SIAE: variants seen among roughly 807,000 people sequenced by gnomAD.
The protein encoded by SIAE is sialate O-acetylesterase.
SIAE carries 39 observed loss-of-function variants against 52.6 expected under a neutral mutation model. The ratio of observed to expected loss-of-function variants is 0.74; its 90% CI spans 0.57 to 0.97. The LOEUF is 0.97. Among genes scored for constraint, SIAE ranks in the 50% least tolerant of loss-of-function variants. SIAE has a pLI of 0.00. For missense variants in SIAE, 592 were observed against 662.1 expected, an observed-to-expected ratio of 0.89 and a Z score of 1.16; for synonymous variants, 233 against 241.4, an observed-to-expected ratio of 0.97 and a Z score of 0.32.
chr11:124,644,133 T>A (rs1382925301), intron 7 of SIAE, among the ~76,000 whole-genome samples: 2 of 152,140 alleles, frequency 1.3e-5, no homozygotes, highest in Non-Finnish European at 2.9e-5. Context: ...AATTCTCTTA[T>A]TAAAATTATC....
chr11:124,657,454 C>A (rs1488394822), intron 3 of SIAE, among the ~76,000 whole-genome samples: 3 of 152,230 alleles, frequency 2.0e-5, no homozygotes, highest in Non-Finnish European at 4.4e-5. Context: ...AGCTTCCGCA[C>A]TGACTGGGAA....
At chr11:124,671,177 G>T (rs1448746899) in intron 1 of SIAE, among the ~76,000 whole-genome samples, 1 of 152,172 alleles carries the variant, frequency 6.6e-6, no homozygotes, top group African/African-American at 2.4e-5. Flanking sequence ...TTTAGAGGTG[G>T]AAAGGATCTT....
intron 4 of SIAE, among the ~76,000 whole-genome samples, chr11:124,652,887 T>C (rs1162516050): frequency 6.9e-6 from 1 of 145,280 alleles, no homozygotes; most frequent in Non-Finnish European, 1.5e-5. Flanking sequence ...ATTTATTTGT[T>C]TTTGTCTCAT....
In SIAE at chr11:124,639,599, G is replaced by A. The variant is rs180919260; in HGVS notation, c.1124+111C>T. 1,661 of 1,379,498 alleles carry A rather than the reference G, an allele frequency of 1.2e-3. 19 individuals carry two copies. In the African/African-American group the frequency reaches 0.022, roughly 18 times the overall value. 85.5% of individuals were successfully genotyped at this position (1,379,498 alleles called of 1,614,324 possible). A position where few individuals can be genotyped will look rare whatever the true frequency, so the allele number is the denominator to read the frequency against. On this transcript the variant is annotated intron_variant, in intron 8 of 9. Transcript: ENST00000263593. ...GTTACTGCAGCACACCCCAGCATACGTGACTCTTAAGTGCCAATCCTCAGT... is the reference window on the plus strand; with the variant it reads ...GTTACTGCAGCACACCCCAGCATACATGACTCTTAAGTGCCAATCCTCAGT...
At chr11:124,653,954 G>A (rs1308794582) in intron 4 of SIAE, among the ~76,000 whole-genome samples, 1 of 152,200 alleles carries the variant, frequency 6.6e-6, no homozygotes, top group African/African-American at 2.4e-5. Context: ...CGAGGTGGGC[G>A]GATCATGAGG....
chr11:124,638,126 G>A (rs532435152), intron 9 of SIAE, among the ~76,000 whole-genome samples: 2 of 152,190 alleles, frequency 1.3e-5, no homozygotes, highest in South Asian at 4.1e-4. Context: ...GCCTCTCAAA[G>A]GAGAACCTAA....
rs1237926681 is a variant in SIAE at position 124,636,621 on chromosome 11, C to T, written c.*330G>A. ...AAATCTCTTCCAATCCTGAGATTCC[C>T]ACAACTCTGGATAAAAAGGGGCAAA... On this transcript the variant is annotated 3_prime_UTR_variant, in exon 10 of 10. Coordinates refer to ENST00000263593, the MANE Select transcript of SIAE (RefSeq NM_170601.5). 1 of 343,530 alleles carries T rather than the reference C, an allele frequency of 2.9e-6. No individual in the cohort carries two copies. The highest frequency in any genetic ancestry group is 2.1e-5 in the African/African-American group (1 of 47,250). 21.3% of individuals were successfully genotyped at this position (343,530 alleles called of 1,614,324 possible).
chr11:124,644,351 G>GAAAAAAAAAAAAAAAAAAAAAAAAAAA (rs766691334), intron 7 of SIAE, among the ~76,000 whole-genome samples: 5 of 98,990 alleles, frequency 5.1e-5, no homozygotes, highest in African/African-American at 1.2e-4. Flanking sequence ...AGTCTGTGGT[G>GAAAAAAAAAAAAAAAAAAAAAAAAAAA]AGAAAAAAAA....
In SIAE at chr11:124,654,908, A is replaced by T. The variant is rs952852377; in HGVS notation, c.406-115T>A. On this transcript the variant is annotated intron_variant, in intron 3 of 9. Coordinates refer to ENST00000263593, the MANE Select transcript of SIAE (RefSeq NM_170601.5). The stretch of plus-strand genomic sequence containing the variant: ...GCTTTCAATATACTGAGATCAAATT[A>T]ATAACCAAAACCAATGGGCTGCACT... The T allele has an allele frequency of 3.6e-5, 45 of 1,252,480 alleles. No individual in the cohort carries two copies. The African/African-American group carries it at 6.1e-4, about 17-fold the overall frequency. 77.6% of individuals were successfully genotyped at this position (1,252,480 alleles called of 1,614,324 possible). A position where few individuals can be genotyped will look rare whatever the true frequency, so the allele number is the denominator to read the frequency against.
intron 4 of SIAE, among the ~76,000 whole-genome samples, chr11:124,650,601 C>T (rs1404213342): frequency 1.3e-5 from 2 of 151,924 alleles, no homozygotes; most frequent in African/African-American, 2.4e-5. Context: ...GATGAAACCC[C>T]GTCTCTACCC....
intron 1 of SIAE, 125 bp downstream of exon 1, chr11:124,673,517 A>C: frequency 8.7e-7 from 1 of 1,143,658 alleles, no homozygotes; most frequent in Non-Finnish European, 1.3e-6. Flanking sequence ...GCGAGCCCCT[A>C]GCCTAGCTAG....
Position 124,659,471 on chromosome 11 carries a change from TA to T in SIAE, c.405+1156del, listed in dbSNP as rs545178084. ...GTAACATAGCAAGACCCTATCTCTA[TA>T]AAAAATAAAAAATCAGCTGGATATG... On this transcript the variant is annotated intron_variant, in intron 3 of 9. Transcript: ENST00000263593. The T allele has an allele frequency of 6.4e-3, 975 of 151,804 alleles. 4 individuals carry two copies. The highest frequency in any genetic ancestry group is 0.011 in the Non-Finnish European group (755 of 67,898). 9.4% of individuals were successfully genotyped at this position (151,804 alleles called of 1,614,324 possible).
At chr11:124,659,477 A>T (rs977664851) in intron 3 of SIAE, 3 of 152,048 alleles carry the variant, frequency 2.0e-5, no homozygotes, top group African/African-American at 7.2e-5. Context: ...TCTATAAAAA[A>T]TAAAAAATCA....
In SIAE at chr11:124,647,396, G is replaced by A. The variant is rs144510878; in HGVS notation, c.935C>T (p.Thr312Met). ...AAGTCCAAATGGGAAGAAACGCTCC[G>A]TCTGCCCCTGGGAACCACGGTGGAA... ...ETFHRGSQGQ[T>M]ERFFPFGLVQ... The change falls in exon 7 of 10, where the codon ACG (threonine) becomes ATG (methionine). Residue 312 changes from threonine (T) to methionine (M), a missense_variant. Physicochemically the swap from Thr to Met is moderately conservative, Grantham distance 81 (BLOSUM62 -1). Coordinates refer to ENST00000263593, the MANE Select transcript of SIAE (RefSeq NM_170601.5). 1.2e-3 allele frequency: 1,904 copies of A among 1,614,190 alleles called. 1 individual carries two copies. Among genetic ancestry groups the A allele is most frequent in the Non-Finnish European group, 1.4e-3 (1,683 of 1,180,026 alleles).
At chr11:124,646,149 G>T (rs1942930002) in intron 7 of SIAE, among the ~76,000 whole-genome samples, 1 of 152,220 alleles carries the variant, frequency 6.6e-6, no homozygotes, top group African/African-American at 2.4e-5. Flanking sequence ...ACATGTGGAG[G>T]CTAGGCAATT....
rs1942789298 is a variant in SIAE at position 124,638,558 on chromosome 11, T to C, written c.1304A>G (p.Asp435Gly). 1 of 1,614,188 alleles carries C rather than the reference T, an allele frequency of 6.2e-7. No homozygotes were observed. Residue 435 changes from aspartate to glycine, a missense_variant, in exon 9 of 10, where the codon GAC becomes GGC. Physicochemically the swap from Asp to Gly is moderately conservative, Grantham distance 94 (BLOSUM62 -1). Coordinates refer to ENST00000263593, the MANE Select transcript of SIAE (RefSeq NM_170601.5). ...YYQQIQVQKK[D>G]NKIFEISCCS... ...TCTTCTCACCTCAAATATCTTGTTGTCCTTTTTCTGCACCTGGATTTGCTG... is the reference window on the plus strand; with the variant it reads ...TCTTCTCACCTCAAATATCTTGTTGCCCTTTTTCTGCACCTGGATTTGCTG...
At chr11:124,637,684 C>T (rs1260717903) in intron 9 of SIAE, among the ~76,000 whole-genome samples, 4 of 152,186 alleles carry the variant, frequency 2.6e-5, no homozygotes, top group African/African-American at 4.8e-5. Context: ...TTATCCAGAC[C>T]ACTGGCAACT....
Position 124,669,475 on chromosome 11 carries a change from C to T in SIAE, c.114G>A (p.Leu38=), listed in dbSNP as rs1943319028. The change falls in exon 2 of 10, where the codon CTG becomes CTA. Residue 38 remains leucine, a synonymous_variant. Coordinates refer to ENST00000263593, the MANE Select transcript of SIAE (RefSeq NM_170601.5). ...TCACTGCCCCAGCAGGCTCCTTCTG[C>T]AGCACCATATCATTATTGATGTATG... The part of the protein sequence containing the change: ...FASYINNDMV[L]QKEPAGAVIW... 6.2e-7 allele frequency: 1 copy of T among 1,614,148 alleles called. No individual in the cohort carries two copies. The highest frequency in any genetic ancestry group is 8.5e-7 in the Non-Finnish European group (1 of 1,180,000).
chr11:124,667,580 G>A (rs1341772783), intron 2 of SIAE, among the ~76,000 whole-genome samples: 3 of 152,144 alleles, frequency 2.0e-5, no homozygotes, highest in East Asian at 1.9e-4. Flanking sequence ...GCTTTCGGGG[G>A]CCAGTACAAT....
Sources: gnomAD v4.1 joint callset for allele counts (sites outside exome capture counted in the v4.1 genomes callset) on GRCh38, gnomAD v4.1.1 for gene constraint, MANE v1.5 for transcripts, NCBI Gene and HGNC (gene_info 2026-07-23, HGNC 2026-07-21) for gene names.